Variants in UGT1A9 observed in about 807,000 individuals in gnomAD.
UGT1A9 encodes the protein UDP glucuronosyltransferase family 1 member A9.
A neutral mutation model predicts 45.0 loss-of-function variants in UGT1A9; 35 were observed. The observed-to-expected ratio is 0.78, with a 90% CI of 0.59 to 1.03. UGT1A9 has a LOEUF of 1.03. UGT1A9 is among the 50% of genes least tolerant of loss of function. UGT1A9 has a pLI of 0.00. For synonymous variants in UGT1A9, 278 were observed against 250.6 expected (o/e 1.11, Z -1.03); for missense variants, 687 against 666.6 (o/e 1.03, Z -0.34).
intron 1 of UGT1A9, among the ~76,000 whole-genome samples, chr2:233,762,725 T>C (rs1290938105): frequency 6.6e-6 from 1 of 152,154 alleles, no homozygotes; most frequent in African/African-American, 2.4e-5. Context: ...CGGTTTTTTT[T>C]TTTTGGTCAC....
intron 1 of UGT1A9, among the ~76,000 whole-genome samples, chr2:233,704,256 C>CTTTTTTTTTT (rs59925871): frequency 6.5e-5 from 8 of 123,648 alleles, no homozygotes; most frequent in East Asian, 2.2e-4. Flanking sequence ...GCCTTTATTG[C>CTTTTTTTTTT]TTTTTTTTTT....
chr2:233,729,971 C>T (rs1206556766), intron 1 of UGT1A9: 1 of 1,613,904 alleles, frequency 6.2e-7, no homozygotes, highest in Non-Finnish European at 8.5e-7. Context: ...ATCAACTGTG[C>T]CAACAGGAAG....
At position 233,681,767 on chromosome 2, in the gene UGT1A9, C is replaced by T. The variant is rs546728626; in HGVS notation, c.855+8978C>T. 229 of 897,050 alleles carry T rather than the reference C, an allele frequency of 2.6e-4. 1 individual carries two copies. In the African/African-American group the frequency reaches 3.8e-3, roughly 15 times the overall value. The allele number at this position is 897,050 out of a possible 1,614,324, so 55.6% of individuals were successfully genotyped here. A position where few individuals can be genotyped will look rare whatever the true frequency, so the allele number is the denominator to read the frequency against. ...ATATAAGCAGGTATCTCAGCAAAGGCTACTCATGTATTATTATGAGTAAAT... is the reference window on the plus strand; with the variant it reads ...ATATAAGCAGGTATCTCAGCAAAGGTTACTCATGTATTATTATGAGTAAAT... On this transcript the variant is annotated intron_variant, in intron 1 of 4. Transcript: ENST00000354728.
chr2:233,768,255 G>C lies in UGT1A9; in HGVS notation c.1111G>C (p.Gly371Arg). ...PMTRAFITHA[G>R]SHGVYESICN... is the part of the protein sequence containing the mutation. ...GACCCGTGCCTTTATCACCCATGCT[G>C]GTTCCCATGGTGTTTATGAAAGCAT... Residue 371 changes from glycine to arginine, a missense_variant, in exon 4 of 5, where the codon GGT (glycine) becomes CGT (arginine). By Grantham distance (125) the Gly-to-Arg change is moderately radical. Transcript: ENST00000354728. 1 of 1,614,166 alleles carries C rather than the reference G, an allele frequency of 6.2e-7. No individual in the cohort carries two copies. The highest frequency in any genetic ancestry group is 8.5e-7 in the Non-Finnish European group (1 of 1,180,040).
intron 1 of UGT1A9, among the ~76,000 whole-genome samples, chr2:233,683,344 G>A (rs2074629666): frequency 6.6e-6 from 1 of 152,064 alleles, no homozygotes; most frequent in South Asian, 2.1e-4. Context: ...TTGCATGGTA[G>A]TCTTTACTTT....
At chr2:233,738,664 G>A (rs974057109) in intron 1 of UGT1A9, among the ~76,000 whole-genome samples, 1 of 152,140 alleles carries the variant, frequency 6.6e-6, no homozygotes, top group Non-Finnish European at 1.5e-5. Flanking sequence ...ACGAACTTGA[G>A]AGAGATGATC....
chr2:233,726,552 G>A (rs2125720134), intron 1 of UGT1A9, among the ~76,000 whole-genome samples: 1 of 152,244 alleles, frequency 6.6e-6, no homozygotes, highest in African/African-American at 2.4e-5. Context: ...GCGTCTTCAA[G>A]TCTCCCACTC....
chr2:233,738,914 G>A (rs1053484676), intron 1 of UGT1A9: 2 of 152,216 alleles, frequency 1.3e-5, no homozygotes, highest in Non-Finnish European at 2.9e-5. Flanking sequence ...CCCATCACAG[G>A]CCTGGAGGCC....
intron 1 of UGT1A9, among the ~76,000 whole-genome samples, chr2:233,736,005 G>A (rs1194834652): frequency 1.3e-5 from 2 of 152,028 alleles, no homozygotes; most frequent in African/African-American, 4.8e-5. Flanking sequence ...TGTTCTTCTC[G>A]AGGAGTATCT....
intron 1 of UGT1A9, among the ~76,000 whole-genome samples, chr2:233,688,946 C>A (rs909288341): frequency 6.6e-6 from 1 of 152,150 alleles, no homozygotes; most frequent in Non-Finnish European, 1.5e-5. Flanking sequence ...CAGCATGAAG[C>A]CAAATGTTTG....
intron 1 of UGT1A9, among the ~76,000 whole-genome samples, chr2:233,726,404 T>C (rs1458945930): frequency 6.6e-6 from 1 of 152,210 alleles, no homozygotes; most frequent in Non-Finnish European, 1.5e-5. Flanking sequence ...TCTTTTGATG[T>C]CAGCATTCTG....
chr2:233,753,819 A>AG (rs1295760260), intron 1 of UGT1A9, among the ~76,000 whole-genome samples: 1 of 152,236 alleles, frequency 6.6e-6, no homozygotes, highest in African/African-American at 2.4e-5. Context: ...GAACCACGTT[A>AG]GGGCTGAAGA....
intron 1 of UGT1A9, chr2:233,719,281 T>A (rs773168968): frequency 6.2e-7 from 1 of 1,614,134 alleles, no homozygotes; most frequent in Admixed American, 1.7e-5. Flanking sequence ...ACAGACCCCG[T>A]TAACCTCTGT....
chr2:233,760,609 C>T lies in UGT1A9; in HGVS notation c.856-6425C>T, dbSNP rs587784538. 50 of 1,614,060 alleles carry T rather than the reference C, an allele frequency of 3.1e-5. 1 individual carries two copies. The South Asian group carries it at 3.7e-4, about 12-fold the overall frequency. On this transcript the variant is annotated intron_variant, in intron 1 of 4. Transcript: ENST00000354728. Reference sequence around the variant, plus strand: ...TTTTGAGAATGATTCTTTCCTGCAGCGTGTGATCAAAACATACAAGAAAAT... The same window carrying T: ...TTTTGAGAATGATTCTTTCCTGCAGTGTGTGATCAAAACATACAAGAAAAT...
At chr2:233,720,685 A>G (rs2076880777) in intron 1 of UGT1A9, among the ~76,000 whole-genome samples, 1 of 151,384 alleles carries the variant, frequency 6.6e-6, no homozygotes, top group Non-Finnish European at 1.5e-5. Flanking sequence ...TGGTTTCTAA[A>G]TCCATTAAGG....
intron 1 of UGT1A9, among the ~76,000 whole-genome samples, chr2:233,765,573 A>C (rs1448763178): frequency 2.6e-5 from 4 of 152,132 alleles, no homozygotes; most frequent in Admixed American, 6.5e-5. Context: ...GCGTAGACGC[A>C]GGGAGGGGAA....
At position 233,772,856 on chromosome 2, in the gene UGT1A9, A is replaced by G; in HGVS notation, c.*297A>G. On this transcript the variant is annotated 3_prime_UTR_variant, in exon 5 of 5. Transcript: ENST00000354728. ...TCTAGATTACTTTTCTTACTCTGAA[A>G]CATGGCCTGTTTGGGAGTGCGGGAT... The G allele has an allele frequency of 2.7e-6, 2 of 727,580 alleles. No individual in the cohort carries two copies. The highest frequency in any genetic ancestry group is 4.2e-5 in the South Asian group (2 of 48,166). The allele number at this position is 727,580 out of a possible 1,614,324, so 45.1% of individuals were successfully genotyped here.
intron 1 of UGT1A9, chr2:233,693,074 G>A: frequency 6.2e-7 from 1 of 1,614,172 alleles, no homozygotes; most frequent in Non-Finnish European, 8.5e-7. Flanking sequence ...TTGGGGCATG[G>A]TTGTAGGTGA....
chr2:233,712,348 G>A (rs2076227987), intron 1 of UGT1A9, among the ~76,000 whole-genome samples: 1 of 152,170 alleles, frequency 6.6e-6, no homozygotes, highest in African/African-American at 2.4e-5. Context: ...ATCACATCTT[G>A]AGCTCAGCCT....
Sources: allele counts gnomAD v4.1 joint callset (sites outside exome capture counted in the v4.1 genomes callset), GRCh38; gene constraint gnomAD v4.1.1; transcripts MANE v1.5; gene names NCBI Gene and HGNC (gene_info 2026-07-23, HGNC 2026-07-21).